Variants in DNMT3A observed in about 807,000 individuals in gnomAD.
DNMT3A encodes the protein DNA (cytosine-5)-methyltransferase 3A.
In DNMT3A, 267 loss-of-function variants were observed where a neutral mutation model predicts 117.6. That is an observed-to-expected ratio of 2.27 (90% CI 2.05 to 2.51). The LOEUF (loss-of-function observed/expected upper bound fraction) is 2.51. Among genes scored for constraint, DNMT3A ranks in the 30% most tolerant of loss-of-function variants. The pLI, the probability that DNMT3A is intolerant of heterozygous loss-of-function variation, is 0.00. For missense variants in DNMT3A, 1,029 were observed against 1,260.2 expected (o/e 0.82, Z 2.78); for synonymous variants, 432 against 474.8 (o/e 0.91, Z 1.17).
At chr2:25,314,447 C>T (rs910132024) in intron 1 of DNMT3A, 1 of 985,412 alleles carries the variant, frequency 1.0e-6, no homozygotes, top group Non-Finnish European at 1.2e-6. Context: ...CCTCCCTTCT[C>T]TTCATTCACA....
chr2:25,261,960 G>T (rs1225612277), intron 6 of DNMT3A, among the ~76,000 whole-genome samples: 3 of 152,098 alleles, frequency 2.0e-5, no homozygotes, highest in African/African-American at 7.2e-5. Context: ...GCCAAGGTGG[G>T]CAGATCATGA....
chr2:25,277,659 T>C (rs560549081), intron 4 of DNMT3A, among the ~76,000 whole-genome samples: 7 of 152,304 alleles, frequency 4.6e-5, no homozygotes, highest in East Asian at 1.9e-4. Flanking sequence ...TAATTACTTT[T>C]ACGGATAATT....
chr2:25,282,302 C>G lies in DNMT3A; in HGVS notation c.448+139G>C. On this transcript the variant is annotated intron_variant, in intron 4 of 22. Coordinates refer to ENST00000321117, the MANE Select transcript of DNMT3A (RefSeq NM_022552.5). The surrounding 1 kb of genome is among the most constrained non-coding windows in gnomAD (Gnocchi z 5.2). ...GCAGGCTGCATCCAGCCAGTAGCCT[C>G]CAGGCCATAGCCTTGGCAAGCAGAC... 6.8e-7 allele frequency: 1 copy of G among 1,471,428 alleles called. No homozygotes were observed. The highest frequency in any genetic ancestry group is 9.0e-7 in the Non-Finnish European group (1 of 1,107,196). The allele number at this position is 1,471,428 out of a possible 1,614,324, so 91.1% of individuals were successfully genotyped here.
chr2:25,273,119 C>T (rs1333059709), intron 6 of DNMT3A, among the ~76,000 whole-genome samples: 8 of 151,862 alleles, frequency 5.3e-5, no homozygotes, highest in South Asian at 2.1e-4. Flanking sequence ...GGATTACAGG[C>T]GCCTGCCACC....
intron 6 of DNMT3A, among the ~76,000 whole-genome samples, chr2:25,256,090 A>G (rs974759570): frequency 6.6e-6 from 1 of 152,144 alleles, no homozygotes; most frequent in Non-Finnish European, 1.5e-5. Context: ...AAAGCAACAC[A>G]TATGAAGTCA....
At chr2:25,238,004 G>A (rs1385469996) in intron 20 of DNMT3A, among the ~76,000 whole-genome samples, 2 of 152,214 alleles carry the variant, frequency 1.3e-5, no homozygotes, top group East Asian at 1.9e-4. Context: ...AGATGTCCCC[G>A]ACTCTTTATG....
In DNMT3A at chr2:25,294,439, C is replaced by T. The variant is rs1396482741; in HGVS notation, c.177+5700G>A. ...GCAGCAGCGTGTACTGATGCAGGCT[C>T]GCAGGAAGAAAAGCCACCTCTAGGG... On this transcript the variant is annotated intron_variant, in intron 3 of 22. Coordinates refer to ENST00000321117, the MANE Select transcript of DNMT3A (RefSeq NM_022552.5). This position sits in a 1 kb window ranked among gnomAD's most constrained non-coding sequence, Gnocchi z 4.7. 2.0e-5 allele frequency among the ~76,000 whole-genome samples: 3 copies of T among 152,038 alleles called. No homozygotes were observed. Among genetic ancestry groups the T allele is most frequent in the East Asian group, 1.9e-4 (1 of 5,186 alleles).
In DNMT3A at chr2:25,271,817, A is replaced by T. The variant is rs184813147; in HGVS notation, c.639+3124T>A. 4.2e-3 allele frequency among the ~76,000 whole-genome samples: 635 copies of T among 152,348 alleles called. 4 individuals are homozygous for T. Among genetic ancestry groups the T allele is most frequent in the African/African-American group, 0.014 (579 of 41,586 alleles). On this transcript the variant is annotated intron_variant, in intron 6 of 22. Transcript: ENST00000321117. ...TTAAATCAACATTTTGGTTTTTCTA[A>T]TAATGCCCACTGCTACCTTCATTGG...
At position 25,233,139 on chromosome 2, in the gene DNMT3A, C is replaced by A; in HGVS notation, c.*1140G>T. 1 of 233,826 alleles carries A rather than the reference C, an allele frequency of 4.3e-6. No homozygotes were observed. The highest frequency in any genetic ancestry group is 8.5e-6 in the Non-Finnish European group (1 of 118,050). The allele number at this position is 233,826 out of a possible 1,614,324, so 14.5% of individuals were successfully genotyped here. A position where few individuals can be genotyped will look rare whatever the true frequency, so the allele number is the denominator to read the frequency against. ...CTCTGCCATCTTGCCGAGGGAGTCT[C>A]CTTTTAGAAAACAATCAAAGGGTTA... On this transcript the variant is annotated 3_prime_UTR_variant, in exon 23 of 23. Transcript: ENST00000321117.
chr2:25,249,577 C>G, intron 6 of DNMT3A: 1 of 1,493,036 alleles, frequency 6.7e-7, no homozygotes, highest in East Asian at 2.3e-5. Flanking sequence ...ATAGACCAGG[C>G]GTGCTCTCTG....
At chr2:25,242,227 C>T (rs1460800013) in intron 16 of DNMT3A, among the ~76,000 whole-genome samples, 2 of 152,090 alleles carry the variant, frequency 1.3e-5, no homozygotes. Flanking sequence ...GAGCAGTTTC[C>T]ATTCCTCACT....
At position 25,252,903 on chromosome 2, in the gene DNMT3A, C is replaced by T. The variant is rs1056788297; in HGVS notation, c.640-4651G>A. ...CCAGATCGGGGATTGTTTGGGGGGT[C>T]TCCCGCCTCCACACTACAGGTGAAT... On this transcript the variant is annotated intron_variant, in intron 6 of 22. Transcript: ENST00000321117. The surrounding 1 kb of genome is among the most constrained non-coding windows in gnomAD (Gnocchi z 5.5). Among the ~76,000 whole-genome samples, 1 of 152,130 alleles carries T rather than the reference C, an allele frequency of 6.6e-6. No homozygotes were observed. The highest frequency in any genetic ancestry group is 2.4e-5 in the African/African-American group (1 of 41,426).
intron 1 of DNMT3A, among the ~76,000 whole-genome samples, chr2:25,341,122 G>C (rs568290192): frequency 6.9e-6 from 1 of 144,730 alleles, no homozygotes; most frequent in Non-Finnish European, 1.5e-5. Context: ...GCGGCGCGGC[G>C]CTCCCCGGCC....
At chr2:25,240,781 G>T in intron 17 of DNMT3A, 51 bp from the exon 18 acceptor site, 1 of 1,560,076 alleles carries the variant, frequency 6.4e-7, no homozygotes, top group South Asian at 1.1e-5. Flanking sequence ...GACAGAGGCA[G>T]ACAGGAAGAA....
intron 6 of DNMT3A, chr2:25,249,752 C>G (rs751529987): frequency 1.2e-6 from 2 of 1,613,060 alleles, no homozygotes; most frequent in East Asian, 2.2e-5. Context: ...ATCCTTGATA[C>G]TTAGCTCTGA....
At chr2:25,246,494 C>A in intron 10 of DNMT3A, 126 bp downstream of exon 10, 6 of 1,461,290 alleles carry the variant, frequency 4.1e-6, no homozygotes, top group Non-Finnish European at 4.6e-6. Flanking sequence ...CAAGAGAGAC[C>A]CCGGCTGTTC....
intron 6 of DNMT3A, among the ~76,000 whole-genome samples, chr2:25,272,218 C>T (rs1177803778): frequency 6.6e-6 from 1 of 152,198 alleles, no homozygotes; most frequent in Non-Finnish European, 1.5e-5. Context: ...AACTCCTGAC[C>T]TAAGGTGATC....
In DNMT3A at chr2:25,293,907, G is replaced by A. The variant is rs891023055; in HGVS notation, c.177+6232C>T. ...GCTGGTCTCGAATTCCTGGCCTCAA[G>A]TGATCCACCTGCCTCAGCCTCTCAA... On this transcript the variant is annotated intron_variant, in intron 3 of 22. Coordinates refer to ENST00000321117, the MANE Select transcript of DNMT3A (RefSeq NM_022552.5). This position sits in a 1 kb window ranked among gnomAD's most constrained non-coding sequence, Gnocchi z 4.7. Among the ~76,000 whole-genome samples, 17 of 152,202 alleles carry A rather than the reference G, an allele frequency of 1.1e-4. No homozygotes were observed. Among genetic ancestry groups the A allele is most frequent in the Non-Finnish European group, 1.5e-5 (1 of 68,040 alleles).
chr2:25,259,491 T>C (rs546211711), intron 6 of DNMT3A, among the ~76,000 whole-genome samples: 1 of 152,312 alleles, frequency 6.6e-6, no homozygotes, highest in East Asian at 1.9e-4. Flanking sequence ...ACTAGCCTAA[T>C]AGAATCACAC....
Sources: gnomAD v4.1 joint callset for allele counts (sites outside exome capture counted in the v4.1 genomes callset) on GRCh38, gnomAD v4.1.1 for gene constraint, Gnocchi (gnomAD v3.1) non-coding constraint, MANE v1.5 for transcripts, NCBI Gene and HGNC (gene_info 2026-07-23, HGNC 2026-07-21) for gene names.